The following WDPCP variants were observed in gnomAD, a reference collection of about 807,000 sequenced individuals.
The protein encoded by WDPCP is WD repeat containing planar cell polarity effector.
WDPCP carries 71 observed loss-of-function variants against 93.1 expected under a neutral mutation model. The observed-to-expected ratio is 0.76, with a 90% CI of 0.63 to 0.93. The LOEUF (loss-of-function observed/expected upper bound fraction) is 0.93, where lower values mean the gene tolerates loss of function less well. Among genes scored for constraint, WDPCP ranks in the 40% least tolerant of loss-of-function variants. WDPCP has a pLI of 0.00. For synonymous variants in WDPCP, 315 were observed against 315.0 expected (o/e 1.00, Z 0.00); for missense variants, 844 against 887.4 (o/e 0.95, Z 0.62).
chr2:63,500,454 G>GTGTGTGT (rs1553412903), intron 1 of WDPCP, among the ~76,000 whole-genome samples: 24,381 of 149,466 alleles, frequency 0.16, 2,048 homozygotes, highest in Non-Finnish European at 0.17. Context: ...ATGGTGTGGG[G>GTGTGTGT]GTGTGTGTGT....
At chr2:63,615,365 G>T (rs866478443) in intron 3 of WDPCP, among the ~76,000 whole-genome samples, 4 of 152,150 alleles carry the variant, frequency 2.6e-5, no homozygotes, top group African/African-American at 9.7e-5. Flanking sequence ...CATGTCCACC[G>T]TGCGGGATCT....
At chr2:63,606,769 C>T (rs1427831850) in intron 3 of WDPCP, 6 of 838,038 alleles carry the variant, frequency 7.2e-6, no homozygotes, top group East Asian at 3.1e-5. Flanking sequence ...GACTTTAAAA[C>T]GATATACCTC....
At chr2:63,631,476 G>GA (rs1709864244) in intron 3 of WDPCP, among the ~76,000 whole-genome samples, 1 of 151,956 alleles carries the variant, frequency 6.6e-6, no homozygotes, top group Non-Finnish European at 1.5e-5. Context: ...CAATAAAATT[G>GA]AAAATAGAAA....
intron 17 of WDPCP, among the ~76,000 whole-genome samples, chr2:63,133,381 C>A (rs995357935): frequency 1.3e-5 from 2 of 152,116 alleles, no homozygotes; most frequent in African/African-American, 4.8e-5. Flanking sequence ...CTTCAGGCAG[C>A]CTTTAGACAA....
chr2:63,405,935 G>C, intron 9 of WDPCP, among the ~76,000 whole-genome samples: 1 of 152,106 alleles, frequency 6.6e-6, no homozygotes, highest in East Asian at 1.9e-4. Flanking sequence ...GTCTGCACCT[G>C]AGTTAACAGT....
chr2:63,162,292 A>G (rs1265084691), intron 15 of WDPCP, among the ~76,000 whole-genome samples: 1 of 152,106 alleles, frequency 6.6e-6, no homozygotes, highest in African/African-American at 2.4e-5. Context: ...TAATACTTTG[A>G]TAAATTCATT....
the WDPCP span, among the ~76,000 whole-genome samples, chr2:63,835,617 T>C: frequency 6.6e-6 from 1 of 151,226 alleles, no homozygotes; most frequent in Non-Finnish European, 1.5e-5. Context: ...ACATAGTAGC[T>C]ATGTGATCTA....
At chr2:63,316,912 G>A (rs189303224) in intron 12 of WDPCP, among the ~76,000 whole-genome samples, 57 of 152,172 alleles carry the variant, frequency 3.7e-4, no homozygotes, top group African/African-American at 1.4e-3. Flanking sequence ...TGTCCAAGCT[G>A]AGAGCCAAAT....
chr2:63,537,294 T>C (rs1370274081), intron 1 of WDPCP, among the ~76,000 whole-genome samples: 1 of 152,228 alleles, frequency 6.6e-6, no homozygotes, highest in African/African-American at 2.4e-5. Flanking sequence ...ACTGCTACCA[T>C]CATAGTTTAT....
chr2:63,191,750 G>GT (rs1435754510), intron 14 of WDPCP, among the ~76,000 whole-genome samples: 5 of 151,702 alleles, frequency 3.3e-5, no homozygotes, highest in South Asian at 2.1e-4. Flanking sequence ...CCCTACATCT[G>GT]TTTTTTTTAT....
At chr2:63,297,053 C>T (rs1575084477) in intron 13 of WDPCP, among the ~76,000 whole-genome samples, 2 of 152,252 alleles carry the variant, frequency 1.3e-5, no homozygotes, top group South Asian at 2.1e-4. Flanking sequence ...TGGATGCCTA[C>T]TGACTCCAAT....
rs1413007656 is a variant in WDPCP at position 63,785,024 on chromosome 2, T to A, written n.308+28598A>T. Among the ~76,000 whole-genome samples the A allele has an allele frequency of 2.0e-5, 3 of 152,198 alleles. No individual in the cohort carries two copies. The East Asian group carries it at 5.8e-4, about 29-fold the overall frequency. On this transcript the variant is annotated intron_variant and non_coding_transcript_variant, in intron 2 of 4. Transcript: ENST00000467687. ...CTACGCTTACGCTATGAGAGTTCAA[T>A]AAATGACAATTACTGTTAAACAAAT...
intron 3 of WDPCP, chr2:63,599,463 T>C (rs1709381629): frequency 1.7e-6 from 1 of 587,210 alleles, no homozygotes; most frequent in South Asian, 2.6e-5. Flanking sequence ...AGGGAGTCTT[T>C]AAATGTATTC....
chr2:63,715,148 T>G (rs529747579), intron 2 of WDPCP, among the ~76,000 whole-genome samples: 2 of 152,338 alleles, frequency 1.3e-5, no homozygotes, highest in East Asian at 3.9e-4. Context: ...TAGGGCCTTG[T>G]GGTAAGTGGG....
At chr2:63,674,683 G>C (rs1442815903) in intron 2 of WDPCP, among the ~76,000 whole-genome samples, 1 of 150,710 alleles carries the variant, frequency 6.6e-6, no homozygotes, top group Non-Finnish European at 1.5e-5. Flanking sequence ...AACTTGTTAA[G>C]GGGCAGATCT....
At chr2:63,343,693 AT>A (rs1689005057) in intron 12 of WDPCP, among the ~76,000 whole-genome samples, 1 of 151,938 alleles carries the variant, frequency 6.6e-6, no homozygotes, top group Non-Finnish European at 1.5e-5. Flanking sequence ...GACTCTGTTC[AT>A]TTTTCTTCAT....
intron 12 of WDPCP, among the ~76,000 whole-genome samples, chr2:63,338,551 TAAAAAAAA>T (rs373990599): frequency 0.016 from 399 of 24,892 alleles, 6 homozygotes; most frequent in African/African-American, 0.041. Context: ...AAACTCCATC[TAAAAAAAA>T]AAAAAAAAAA....
At chr2:63,464,868 T>G (rs560147834) in intron 6 of WDPCP, among the ~76,000 whole-genome samples, 1 of 152,202 alleles carries the variant, frequency 6.6e-6, no homozygotes, top group African/African-American at 2.4e-5. Flanking sequence ...GAATGCTGGT[T>G]ACCAGGGGTT....
At chr2:63,525,420 A>G (rs924312941) in intron 1 of WDPCP, among the ~76,000 whole-genome samples, 1 of 152,228 alleles carries the variant, frequency 6.6e-6, no homozygotes, top group Non-Finnish European at 1.5e-5. Context: ...AATAAAAACT[A>G]AAAAGAATAA....
Sources: allele counts gnomAD v4.1 joint callset (sites outside exome capture counted in the v4.1 genomes callset), GRCh38; gene constraint gnomAD v4.1.1; transcripts MANE v1.5; gene names NCBI Gene and HGNC (gene_info 2026-07-23, HGNC 2026-07-21).